Variants in PCDH15 observed in about 807,000 individuals in gnomAD.
PCDH15 encodes protocadherin related 15, also known as protocadherin-15.
In PCDH15, 129 loss-of-function variants were observed where a neutral mutation model predicts 178.5. The ratio of observed to expected loss-of-function variants is 0.72; its 90% CI spans 0.63 to 0.84. PCDH15 has a LOEUF of 0.84. Among genes scored for constraint, PCDH15 ranks in the 40% least tolerant of loss-of-function variants. PCDH15 has a pLI of 0.00. For missense variants in PCDH15, 2,230 were observed against 2,099.9 expected (o/e 1.06, Z -1.21); for synonymous variants, 800 against 732.0 (o/e 1.09, Z -1.50).
rs758415661 is a variant in PCDH15 at position 54,746,109 on chromosome 10, A to G, written c.-29+54816T>C. 1.1e-4 allele frequency among the ~76,000 whole-genome samples: 17 copies of G among 152,170 alleles called. No homozygotes were observed. In the South Asian group the frequency reaches 1.4e-3, roughly 13 times the overall value. On this transcript the variant is annotated intron_variant, in intron 1 of 37. Coordinates refer to ENST00000644397, the MANE Select transcript of PCDH15 (RefSeq NM_001384140.1). ...CTCTTATGTACAATAGGGTTTCTCA[A>G]GCACAGCACTATTCGCATTTTGGGC...
At chr10:54,706,625 TTTTAA>T (rs538945028) in intron 1 of PCDH15, among the ~76,000 whole-genome samples, 1,745 of 152,234 alleles carry the variant, frequency 0.011, 23 homozygotes, top group South Asian at 0.017. Context: ...GGAAGACATA[TTTTAA>T]TTTATTTTTT....
chr10:53,827,697 C>T, intron 31 of PCDH15, 149 bp from the exon 32 acceptor site: 1 of 939,722 alleles, frequency 1.1e-6, no homozygotes, highest in Non-Finnish European at 1.6e-6. Flanking sequence ...GATGTAATTA[C>T]AAAAGCATCC....
intron 1 of PCDH15, among the ~76,000 whole-genome samples, chr10:54,739,605 C>T (rs1329140446): frequency 2.0e-5 from 3 of 147,972 alleles, no homozygotes; most frequent in Non-Finnish European, 4.5e-5. Flanking sequence ...CACAAAAGAC[C>T]ACAAATAGCC....
intron 2 of PCDH15, among the ~76,000 whole-genome samples, chr10:54,622,608 AATTAT>A (rs1466350299): frequency 1.1e-4 from 5 of 44,772 alleles, no homozygotes; most frequent in African/African-American, 4.4e-4. Context: ...TAATATATAT[AATTAT>A]ATATAATATA....
intron 3 of PCDH15, among the ~76,000 whole-genome samples, chr10:54,835,759 T>C (rs1462410235): frequency 6.6e-6 from 1 of 152,110 alleles, no homozygotes; most frequent in Non-Finnish European, 1.5e-5. Flanking sequence ...TATATAAAAT[T>C]GTAAAATTTA....
intron 2 of PCDH15, among the ~76,000 whole-genome samples, chr10:55,409,141 C>T (rs1838274614): frequency 1.3e-5 from 2 of 152,046 alleles, no homozygotes; most frequent in African/African-American, 4.8e-5. Context: ...CTAAGTTCAG[C>T]TAAGACCTCT....
chr10:54,383,736 A>G (rs932431499), intron 3 of PCDH15, among the ~76,000 whole-genome samples: 6 of 151,810 alleles, frequency 4.0e-5, no homozygotes, highest in Admixed American at 3.3e-4. Context: ...AAAAAAAAGA[A>G]GAGTATAGAA....
intron 2 of PCDH15, among the ~76,000 whole-genome samples, chr10:54,616,909 T>C (rs1316419914): frequency 6.6e-6 from 1 of 152,122 alleles, no homozygotes; most frequent in Non-Finnish European, 1.5e-5. Flanking sequence ...CTTTGTAAAA[T>C]GGCATTTCTA....
At chr10:54,575,074 C>G (rs1200870686) in intron 2 of PCDH15, among the ~76,000 whole-genome samples, 1 of 135,776 alleles carries the variant, frequency 7.4e-6, no homozygotes, top group East Asian at 2.2e-4. Context: ...ACCACATATT[C>G]TCACTCATAG....
intron 1 of PCDH15, among the ~76,000 whole-genome samples, chr10:54,729,599 C>A (rs1943063598): frequency 1.3e-5 from 2 of 151,708 alleles, no homozygotes; most frequent in Non-Finnish European, 3.0e-5. Flanking sequence ...AAGAAACTAT[C>A]AACAGTGTAA....
At chr10:54,528,550 T>C in intron 2 of PCDH15, 1 of 578,344 alleles carries the variant, frequency 1.7e-6, no homozygotes, top group Non-Finnish European at 2.8e-6. Flanking sequence ...TTTGTGGAAA[T>C]AGAATATATA....
chr10:55,452,287 A>C (rs1839452768), intron 2 of PCDH15, among the ~76,000 whole-genome samples: 1 of 152,142 alleles, frequency 6.6e-6, no homozygotes, highest in Non-Finnish European at 1.5e-5. Flanking sequence ...AAGTAAACTT[A>C]ATTATCCACA....
intron 8 of PCDH15, among the ~76,000 whole-genome samples, chr10:54,239,806 C>T (rs2055048719): frequency 6.6e-6 from 1 of 151,874 alleles, no homozygotes. Context: ...TTTATTTTTC[C>T]TTCTGCTACC....
Position 53,831,484 on chromosome 10 carries a change from A to G in PCDH15, c.4033T>C (p.Tyr1345His). Residue 1345 changes from tyrosine (Y) to histidine (H), a missense_variant, in exon 30 of 38, where the codon TAT (tyrosine) becomes CAT (histidine). Coordinates refer to ENST00000644397, the MANE Select transcript of PCDH15 (RefSeq NM_001384140.1). ...TCCAGAATGCGTCCTCCTTCCCCAT[A>G]ATACGGCTGAAAGTCTTTATTGATA... ...LDINKDFQPY[Y>H]GEGGRILEIR... 6.2e-7 allele frequency: 1 copy of G among 1,614,168 alleles called. No individual in the cohort carries two copies. Among genetic ancestry groups the G allele is most frequent in the South Asian group, 1.1e-5 (1 of 91,078 alleles).
At chr10:54,859,086 C>A (rs549158042) in intron 3 of PCDH15, among the ~76,000 whole-genome samples, 1 of 152,106 alleles carries the variant, frequency 6.6e-6, no homozygotes, top group African/African-American at 2.4e-5. Context: ...TTTGTATTAT[C>A]TTCTTCTAGC....
chr10:54,469,968 A>G (rs2077785431), intron 3 of PCDH15, among the ~76,000 whole-genome samples: 1 of 152,242 alleles, frequency 6.6e-6, no homozygotes, highest in Admixed American at 6.5e-5. Flanking sequence ...TCAGCTGCTA[A>G]TAGTGTAGGT....
intron 2 of PCDH15, among the ~76,000 whole-genome samples, chr10:55,043,744 T>TA (rs1277294051): frequency 7.0e-6 from 1 of 142,962 alleles, no homozygotes; most frequent in Admixed American, 7.0e-5. Flanking sequence ...ATAAATAAAA[T>TA]AAATAAATAA....
intron 2 of PCDH15, among the ~76,000 whole-genome samples, chr10:54,573,000 A>C (rs1053302898): frequency 6.6e-6 from 1 of 152,130 alleles, no homozygotes; most frequent in African/African-American, 2.4e-5. Flanking sequence ...CCAAGATTAT[A>C]AAATGACCTC....
At chr10:55,603,837 T>C (rs1212783005) in intron 2 of PCDH15, among the ~76,000 whole-genome samples, 1 of 148,036 alleles carries the variant, frequency 6.8e-6, no homozygotes, top group Non-Finnish European at 1.5e-5. Context: ...CTGCATCAAC[T>C]AACGAGCAAA....
Sources: gnomAD v4.1 joint callset for allele counts (sites outside exome capture counted in the v4.1 genomes callset) on GRCh38, gnomAD v4.1.1 for gene constraint, MANE v1.5 for transcripts, NCBI Gene and HGNC (gene_info 2026-07-23, HGNC 2026-07-21) for gene names.